Variants in CAMTA1 observed in about 807,000 individuals in gnomAD.
The protein encoded by CAMTA1 is calmodulin-binding transcription activator 1.
A neutral mutation model predicts 170.9 loss-of-function variants in CAMTA1; 27 were observed. The ratio of observed to expected loss-of-function variants is 0.16; its 90% CI spans 0.12 to 0.22. The LOEUF is 0.22. Ranked by LOEUF, CAMTA1 falls within the 10% of genes least tolerant of loss-of-function variation. The probability of loss-of-function intolerance (pLI) is 1.00; values close to 1 mark genes in which losing one functional copy is unlikely to be tolerated. For synonymous variants in CAMTA1, 833 were observed against 891.5 expected (o/e 0.93, Z 1.17); for missense variants, 1,619 against 2,217.2 (o/e 0.73, Z 5.42).
At position 7,499,042 on chromosome 1, in the gene CAMTA1, TTGTG is replaced by T. The variant is rs755992800; in HGVS notation, c.510+31144_510+31147del. ...TCCATGAGTGAGTGTGTAGAGAGGATTGTGTGAGCCTGGTGTGCGTGTGTATGTA... is the reference window on the plus strand; with the variant it reads ...TCCATGAGTGAGTGTGTAGAGAGGATTGAGCCTGGTGTGCGTGTGTATGTA... On this transcript the variant is annotated intron_variant, in intron 6 of 22. Coordinates refer to ENST00000303635, the MANE Select transcript of CAMTA1 (RefSeq NM_015215.4). Among the ~76,000 whole-genome samples, 71 of 115,006 alleles carry T rather than the reference TTGTG, an allele frequency of 6.2e-4. 1 individual carries two copies. The highest frequency in any genetic ancestry group is 1.0e-3 in the Non-Finnish European group (60 of 57,920). 75.4% of individuals were successfully genotyped at this position (115,006 alleles called of 152,430 possible).
chr1:7,498,162 G>T, intron 6 of CAMTA1, among the ~76,000 whole-genome samples: 1 of 145,890 alleles, frequency 6.9e-6, no homozygotes, highest in Non-Finnish European at 1.5e-5. Flanking sequence ...AGATTTGTGA[G>T]TGTGTGTGCA....
intron 22 of CAMTA1, among the ~76,000 whole-genome samples, chr1:7,761,312 C>G (rs2096973869): frequency 6.6e-6 from 1 of 152,196 alleles, no homozygotes; most frequent in Admixed American, 6.5e-5. Flanking sequence ...CTCCTGAGGG[C>G]AGCACTGGCG....
At chr1:7,225,512 G>A (rs1661542678) in intron 4 of CAMTA1, among the ~76,000 whole-genome samples, 1 of 152,162 alleles carries the variant, frequency 6.6e-6, no homozygotes, top group East Asian at 1.9e-4. Flanking sequence ...ATTTCCCTTG[G>A]AACTTCCCTT....
intron 4 of CAMTA1, among the ~76,000 whole-genome samples, chr1:7,159,162 T>C (rs575956240): frequency 6.6e-6 from 1 of 152,194 alleles, no homozygotes; most frequent in East Asian, 1.9e-4. Flanking sequence ...AGGCTTTAAA[T>C]GGTTTGGGCC....
At chr1:7,421,736 T>A (rs1282301924) in intron 5 of CAMTA1, among the ~76,000 whole-genome samples, 1 of 152,032 alleles carries the variant, frequency 6.6e-6, no homozygotes, top group Non-Finnish European at 1.5e-5. Flanking sequence ...ACCAGGTGGG[T>A]CCGTGATGGA....
chr1:7,281,611 A>G (rs1420232872), intron 5 of CAMTA1, among the ~76,000 whole-genome samples: 4 of 152,246 alleles, frequency 2.6e-5, no homozygotes. Flanking sequence ...GCAGACTGTG[A>G]GTATCAATAT....
rs549053287 is a variant in CAMTA1, at chr1:7,627,961, C to T, written c.511-12439C>T. On this transcript the variant is annotated intron_variant, in intron 6 of 22. Coordinates refer to ENST00000303635, the MANE Select transcript of CAMTA1 (RefSeq NM_015215.4). ...TGAATTGTGTGGTGGAAAGAGTGAC[C>T]GGCTTAGCCGAAAGAAGATGTGATC... Among the ~76,000 whole-genome samples, 8 of 152,080 alleles carry T rather than the reference C, an allele frequency of 5.3e-5. No homozygotes were observed. The East Asian group carries it at 5.8e-4, about 11-fold the overall frequency.
intron 3 of CAMTA1, among the ~76,000 whole-genome samples, chr1:6,966,074 C>T (rs542887214): frequency 6.6e-6 from 1 of 152,018 alleles, no homozygotes; most frequent in African/African-American, 2.4e-5. Flanking sequence ...CAGGGCTGCG[C>T]GCTGGCCAGG....
chr1:7,059,709 C>CT (rs913876461), intron 3 of CAMTA1, among the ~76,000 whole-genome samples: 1 of 152,172 alleles, frequency 6.6e-6, no homozygotes, highest in Non-Finnish European at 1.5e-5. Context: ...AGGATGACCT[C>CT]TTTTCTTCTT....
chr1:7,018,113 G>A (rs909972881), intron 3 of CAMTA1, among the ~76,000 whole-genome samples: 5 of 96,142 alleles, frequency 5.2e-5, no homozygotes, highest in East Asian at 3.3e-4. Flanking sequence ...ACAGGTGTGC[G>A]GCACCACGCC....
chr1:6,886,796 G>A (rs527479845), intron 3 of CAMTA1, among the ~76,000 whole-genome samples: 79 of 152,340 alleles, frequency 5.2e-4, no homozygotes, highest in African/African-American at 1.8e-3. Flanking sequence ...CCCCAAAATA[G>A]TGAGGGAGAG....
chr1:7,330,659 G>T (rs2082971576), intron 5 of CAMTA1, among the ~76,000 whole-genome samples: 1 of 152,218 alleles, frequency 6.6e-6, no homozygotes, highest in African/African-American at 2.4e-5. Context: ...CCCAGGACAT[G>T]TGAACATGTA....
At chr1:7,718,612 A>G (rs892984114) in intron 11 of CAMTA1, among the ~76,000 whole-genome samples, 5 of 140,906 alleles carry the variant, frequency 3.5e-5, no homozygotes, top group Admixed American at 3.0e-4. Context: ...GCTGGAGTGC[A>G]GTGGTGCCAT....
At chr1:7,574,444 G>T (rs1185540669) in intron 6 of CAMTA1, among the ~76,000 whole-genome samples, 2 of 152,190 alleles carry the variant, frequency 1.3e-5, no homozygotes, top group Non-Finnish European at 2.9e-5. Context: ...AGCCCAGGAT[G>T]TGCAGGGATG....
chr1:7,078,727 T>C (rs1228153810), intron 3 of CAMTA1, among the ~76,000 whole-genome samples: 1 of 152,234 alleles, frequency 6.6e-6, no homozygotes, highest in Non-Finnish European at 1.5e-5. Flanking sequence ...TATTAGATGA[T>C]CGTCAGAGTA....
chr1:7,288,286 GC>G (rs1557446483), intron 5 of CAMTA1, among the ~76,000 whole-genome samples: 1 of 152,330 alleles, frequency 6.6e-6, no homozygotes, highest in East Asian at 1.9e-4. Flanking sequence ...AATCTAGAGT[GC>G]TTTCCTAACA....
intron 3 of CAMTA1, among the ~76,000 whole-genome samples, chr1:6,876,905 C>G (rs941164352): frequency 3.3e-5 from 5 of 152,162 alleles, no homozygotes; most frequent in Non-Finnish European, 7.3e-5. Flanking sequence ...CAAGGGAGCA[C>G]TTATGTCAGG....
In CAMTA1 at chr1:7,663,766, G is replaced by A. The variant is rs780408064; in HGVS notation, c.1219G>A (p.Glu407Lys). 4 of 1,614,076 alleles carry A rather than the reference G, an allele frequency of 2.5e-6. No homozygotes were observed. Among genetic ancestry groups the A allele is most frequent in the Non-Finnish European group, 3.4e-6 (4 of 1,180,010 alleles). ...ATVFMSEVTN[E>K]AVYTMSPTAG... ...GGTGTTCATGTCAGAGGTCACCAAT[G>A]AGGCCGTGTACACCATGTCCCCCAC... The change falls in exon 9 of 23, where the codon GAG becomes AAG. Residue 407 changes from glutamate to lysine, a missense_variant. By Grantham distance (56) the Glu-to-Lys change is moderately conservative (BLOSUM62 1). Around this residue, in one of 8 missense-constraint regions of CAMTA1, gnomAD observed 731 missense variants for 907.6 expected, o/e 0.81. Coordinates refer to ENST00000303635, the MANE Select transcript of CAMTA1 (RefSeq NM_015215.4).
intron 3 of CAMTA1, among the ~76,000 whole-genome samples, chr1:6,961,030 G>A (rs945904262): frequency 6.6e-6 from 1 of 152,130 alleles, no homozygotes; most frequent in Non-Finnish European, 1.5e-5. Flanking sequence ...CAGGCAGCCT[G>A]GAGTGAAAAC....
Sources: gnomAD v4.1 joint callset for allele counts (sites outside exome capture counted in the v4.1 genomes callset) on GRCh38, gnomAD v4.1.1 for gene constraint, gnomAD v4.1.1 regional missense constraint, MANE v1.5 for transcripts, NCBI Gene and HGNC (gene_info 2026-07-23, HGNC 2026-07-21) for gene names.